Variants in DHRSX observed in about 807,000 individuals in gnomAD.
DHRSX encodes the protein polyprenol dehydrogenase.
Under a neutral mutation model 34.0 loss-of-function variants are expected in DHRSX, and 31 were observed. That is an observed-to-expected ratio of 0.91 (90% confidence interval 0.69 to 1.23). The LOEUF (loss-of-function observed/expected upper bound fraction) is 1.23, where lower values mean the gene tolerates loss of function less well. DHRSX is among the 50% of genes most tolerant of loss of function. The pLI is 0.00. For synonymous variants in DHRSX, 201 were observed against 183.8 expected, an observed-to-expected ratio of 1.09 and a Z score of -0.76; for missense variants, 414 against 428.1, an observed-to-expected ratio of 0.97 and a Z score of 0.29.
chrX:2,225,571 T>C (rs1054294014), intron 6 of DHRSX, among the ~76,000 whole-genome samples: 35 of 152,152 alleles, frequency 2.3e-4, no homozygotes, highest in Non-Finnish European at 4.9e-4. Flanking sequence ...TGCCCACACC[T>C]TGATCTTAGA....
intron 1 of DHRSX, among the ~76,000 whole-genome samples, chrX:2,442,620 C>A (rs1469490945): frequency 6.6e-6 from 1 of 151,928 alleles, no homozygotes; most frequent in Non-Finnish European, 1.5e-5. Context: ...ATACCCTTCC[C>A]AGTGCCACAG....
At chrX:2,226,738 T>C (rs1305656258) in intron 6 of DHRSX, among the ~76,000 whole-genome samples, 2 of 150,154 alleles carry the variant, frequency 1.3e-5, no homozygotes, top group South Asian at 4.2e-4. Flanking sequence ...GGGCTTGCAG[T>C]GAGCCGAGAT....
intron 3 of DHRSX, among the ~76,000 whole-genome samples, chrX:2,385,110 A>ATGTGTGTGTGTG (rs934167358): frequency 0.03 from 4,332 of 146,460 alleles, 215 homozygotes; most frequent in African/African-American, 0.1. Flanking sequence ...TCAAATATAT[A>ATGTGTGTGTGTG]TGTGTGTGTG....
chrX:2,477,544 G>C (rs371050038), intron 1 of DHRSX, among the ~76,000 whole-genome samples: 1 of 152,300 alleles, frequency 6.6e-6, no homozygotes, highest in East Asian at 1.9e-4. Flanking sequence ...AAAACCAGGT[G>C]GATCAAGAAA....
Position 2,425,200 on chromosome X carries a change from T to C in DHRSX, c.214A>G (p.Ile72Val). The C allele has an allele frequency of 1.2e-6, 2 of 1,611,220 alleles. No individual in the cohort carries two copies. Among genetic ancestry groups the C allele is most frequent in the East Asian group, 2.2e-5 (1 of 44,850 alleles). ...HLARLGMHVIIAGNNDSKAKQ... is the reference protein window; with the variant it reads ...HLARLGMHVIVAGNNDSKAKQ... ...AAGTAACTGTAAAAGTCATCACCTA[T>C]GATAACATGCATGCCAAGTCTCGCC... Residue 72 changes from isoleucine (I) to valine (V), a missense_variant, in exon 2 of 7, where the codon ATA (isoleucine) becomes GTA (valine). Coordinates refer to ENST00000334651, the MANE Select transcript of DHRSX (RefSeq NM_145177.3).
intron 3 of DHRSX, among the ~76,000 whole-genome samples, chrX:2,360,481 G>C (rs1305431490): frequency 6.6e-6 from 1 of 152,152 alleles, no homozygotes; most frequent in Non-Finnish European, 1.5e-5. Flanking sequence ...TACTTGGGAG[G>C]CTGAGGCAGG....
intron 1 of DHRSX, among the ~76,000 whole-genome samples, chrX:2,462,903 A>C (rs1323442226): frequency 6.6e-6 from 1 of 152,152 alleles, no homozygotes; most frequent in Non-Finnish European, 1.5e-5. Flanking sequence ...CCTGCATTGA[A>C]ATCCTCACCC....
chrX:2,276,785 AG>A (rs2041663199), intron 4 of DHRSX, among the ~76,000 whole-genome samples: 1 of 147,548 alleles, frequency 6.8e-6, no homozygotes, highest in Non-Finnish European at 1.5e-5. Flanking sequence ...AGAGAGAAGG[AG>A]AGGGAGGAAA....
intron 3 of DHRSX, among the ~76,000 whole-genome samples, chrX:2,307,384 G>T (rs2042111123): frequency 2.0e-5 from 3 of 151,806 alleles, no homozygotes; most frequent in South Asian, 4.2e-4. Context: ...TGAGTGACAG[G>T]TTCAACTGAA....
intron 1 of DHRSX, chrX:2,489,878 A>G: frequency 6.2e-7 from 1 of 1,613,856 alleles, no homozygotes; most frequent in South Asian, 1.1e-5. Context: ...GACGTCCAGC[A>G]GGGAGCACGC....
intron 3 of DHRSX, among the ~76,000 whole-genome samples, chrX:2,370,833 G>A (rs1320437984): frequency 6.6e-6 from 1 of 152,158 alleles, no homozygotes; most frequent in Non-Finnish European, 1.5e-5. Flanking sequence ...GCAAACGTCA[G>A]AGGATCAAGC....
intron 5 of DHRSX, among the ~76,000 whole-genome samples, chrX:2,262,717 T>C (rs67417354): frequency 0.26 from 39,764 of 152,128 alleles, 6,954 homozygotes; most frequent in African/African-American, 0.48. Flanking sequence ...CCGGTGCTTC[T>C]TCAGCTGCCC....
At chrX:2,349,911 C>G (rs778588471) in intron 3 of DHRSX, among the ~76,000 whole-genome samples, 8,778 of 150,044 alleles carry the variant, frequency 0.059, 932 homozygotes, top group African/African-American at 0.2. Context: ...TGGTGGCAGG[C>G]GCCTGCAGTC....
At chrX:2,449,487 T>C (rs774701813) in intron 1 of DHRSX, among the ~76,000 whole-genome samples, 1 of 152,200 alleles carries the variant, frequency 6.6e-6, no homozygotes, top group Admixed American at 6.5e-5. Flanking sequence ...AAATTTCCTA[T>C]CTTTTTAAAT....
At chrX:2,479,498 C>T (rs188768802) in intron 1 of DHRSX, among the ~76,000 whole-genome samples, 16 of 151,418 alleles carry the variant, frequency 1.1e-4, no homozygotes, top group Admixed American at 6.6e-5. Flanking sequence ...CCACCGTGTA[C>T]GCACTGAAGA....
chrX:2,397,580 A>C (rs982270543), intron 3 of DHRSX, among the ~76,000 whole-genome samples: 76 of 152,110 alleles, frequency 5.0e-4, no homozygotes, highest in Non-Finnish European at 9.1e-4. Flanking sequence ...ACAAAAAAAA[A>C]AACAACAGTA....
intron 1 of DHRSX, chrX:2,489,887 G>A (rs747003848): frequency 8.1e-6 from 13 of 1,613,864 alleles, no homozygotes; most frequent in East Asian, 4.5e-5. Context: ...CAGGGAGCAC[G>A]CCTTCACGAT....
intron 1 of DHRSX, 144 bp from the exon 2 acceptor site, chrX:2,425,448 G>T: frequency 1.4e-6 from 1 of 719,518 alleles, no homozygotes; most frequent in East Asian, 2.7e-5. Flanking sequence ...AATTCCCACA[G>T]GCTCAGGAGG....
intron 3 of DHRSX, among the ~76,000 whole-genome samples, chrX:2,345,318 G>T (rs1294926670): frequency 6.6e-6 from 1 of 151,910 alleles, no homozygotes; most frequent in Non-Finnish European, 1.5e-5. Flanking sequence ...TGGTGGGTAG[G>T]CCTGGTCTAA....
Sources: allele counts gnomAD v4.1 joint callset (sites outside exome capture counted in the v4.1 genomes callset), GRCh38; gene constraint gnomAD v4.1.1; transcripts MANE v1.5; gene names NCBI Gene and HGNC (gene_info 2026-07-23, HGNC 2026-07-21).